GIPR: variants seen among roughly 807,000 people sequenced by gnomAD.
GIPR encodes gastric inhibitory polypeptide receptor, also known as GIP-R.
Under a neutral mutation model 62.2 loss-of-function variants are expected in GIPR, and 74 were observed. That is an observed-to-expected ratio of 1.19 (90% CI 0.99 to 1.44). The LOEUF (loss-of-function observed/expected upper bound fraction) is 1.44, where lower values mean the gene tolerates loss of function less well. GIPR is among the 40% of genes most tolerant of loss of function. The probability of loss-of-function intolerance (pLI) is 0.00; values close to 1 mark genes in which losing one functional copy is unlikely to be tolerated. For synonymous variants in GIPR, 256 were observed against 262.2 expected (o/e 0.98, Z 0.23); for missense variants, 664 against 611.8 (o/e 1.09, Z -0.90).
At chr19:45,674,561 T>G in intron 6 of GIPR, 121 bp from the exon 7 acceptor site, 1 of 873,800 alleles carries the variant, frequency 1.1e-6, no homozygotes, top group Non-Finnish European at 1.9e-6. Context: ...GAGCCCTGAT[T>G]GTGTCACTGC....
At position 45,674,809 on chromosome 19, in the gene GIPR, C is replaced by T. The variant is rs143427324; in HGVS notation, c.616C>T (p.Leu206Phe). ...RPGPYLGDQA[L>F]ALWNQALAAC... ...TGGCCCCTACCTTGGGGACCAGGCC[C>T]TTGCGCTGTGGAACCAGGTGGGCAT... The change falls in exon 7 of 14, where the codon CTT becomes TTT. Residue 206 changes from leucine (L) to phenylalanine (F), a missense_variant. Leu to Phe is a conservative substitution (Grantham distance 22, BLOSUM62 0). Coordinates refer to ENST00000590918, the MANE Select transcript of GIPR (RefSeq NM_000164.4). 1 of 1,614,020 alleles carries T rather than the reference C, an allele frequency of 6.2e-7. No homozygotes were observed. Among genetic ancestry groups the T allele is most frequent in the Non-Finnish European group, 8.5e-7 (1 of 1,179,946 alleles).
chr19:45,669,200 C>T (rs975630448), intron 1 of GIPR, among the ~76,000 whole-genome samples: 1 of 152,164 alleles, frequency 6.6e-6, no homozygotes, highest in South Asian at 2.1e-4. Context: ...AGCAAACACC[C>T]CCCCCTTCCA....
At chr19:45,673,637 G>A (rs1441622906) in intron 5 of GIPR, among the ~76,000 whole-genome samples, 9 of 151,814 alleles carry the variant, frequency 5.9e-5, no homozygotes, top group Non-Finnish European at 8.8e-5. Flanking sequence ...AGGCCAAGGC[G>A]GGCGGATCAC....
chr19:45,677,295 TGGGGG>T, intron 8 of GIPR, 23 bp from the exon 9 acceptor site: 1 of 914,864 alleles, frequency 1.1e-6, no homozygotes, highest in Non-Finnish European at 1.6e-6. Flanking sequence ...TGCGGCGGGG[TGGGGG>T]GGCGGGGTCG....
At chr19:45,677,174 C>A in intron 8 of GIPR, 66 bp downstream of exon 8, 4 of 1,543,548 alleles carry the variant, frequency 2.6e-6, no homozygotes, top group Non-Finnish European at 3.6e-6. Flanking sequence ...AACTGCCCTG[C>A]TGGTTGGCCT....
At chr19:45,679,329 A>G (rs1487084018) in intron 12 of GIPR, among the ~76,000 whole-genome samples, 1 of 152,072 alleles carries the variant, frequency 6.6e-6, no homozygotes, top group Non-Finnish European at 1.5e-5. Context: ...AAAAAATAGA[A>G]AAATTAGCTG....
intron 7 of GIPR, 70 bp downstream of exon 7, chr19:45,674,896 C>T (rs1472189726): frequency 1.4e-6 from 2 of 1,429,832 alleles, no homozygotes; most frequent in Non-Finnish European, 9.9e-7. Flanking sequence ...AGTTCTCAGT[C>T]CATTTCCTAT....
At position 45,677,043 on chromosome 19, in the gene GIPR, G is replaced by A. The variant is rs944629490; in HGVS notation, c.728G>A (p.Ser243Asn). The A allele has an allele frequency of 5.0e-6, 8 of 1,613,742 alleles. No homozygotes were observed. The highest frequency in any genetic ancestry group is 5.9e-6 in the Non-Finnish European group (7 of 1,179,798). ...CTGGTGGAGGGCGTCTACCTGCACA[G>A]TCTCCTGGTGCTCGTGGGAGGCTCC... ...WLLVEGVYLH[S>N]LLVLVGGSEE... The change falls in exon 8 of 14, where the codon AGT becomes AAT. Residue 243 changes from serine to asparagine, a missense_variant. Transcript: ENST00000590918.
chr19:45,677,547 G>A (rs1967013809), intron 9 of GIPR, 163 bp from the exon 10 acceptor site: 5 of 831,530 alleles, frequency 6.0e-6, no homozygotes, highest in African/African-American at 3.4e-5. Context: ...GTGTTCCAGG[G>A]CAATCGGCAA....
intron 4 of GIPR, among the ~76,000 whole-genome samples, 157 bp downstream of exon 4, chr19:45,671,549 T>C (rs555478387): frequency 1.3e-3 from 199 of 152,328 alleles, no homozygotes; most frequent in Non-Finnish European, 2.1e-3. Context: ...TTCTCCTGTC[T>C]GTCCAACCCT....
rs1012940370 is a variant in GIPR at position 45,682,672 on chromosome 19, T to C, written c.*737T>C. The C allele has an allele frequency of 3.3e-5, 5 of 151,010 alleles. No individual in the cohort carries two copies. The highest frequency in any genetic ancestry group is 4.9e-5 in the African/African-American group (2 of 40,966). The allele number at this position is 151,010 out of a possible 1,614,324, so 9.4% of individuals were successfully genotyped here. A position where few individuals can be genotyped will look rare whatever the true frequency, so the allele number is the denominator to read the frequency against. On this transcript the variant is annotated 3_prime_UTR_variant, in exon 14 of 14. Transcript: ENST00000590918. Reference sequence around the variant, plus strand: ...ACCTCCCGAGTTCAAGCCTCCCGGGTAGCTGGGATTACAGGCACCGCCACC... The same window carrying C: ...ACCTCCCGAGTTCAAGCCTCCCGGGCAGCTGGGATTACAGGCACCGCCACC...
In GIPR at chr19:45,671,352, C is replaced by G. The variant is rs1975530676; in HGVS notation, c.240C>G (p.Ala80=). 1.9e-6 allele frequency: 3 copies of G among 1,612,306 alleles called. No homozygotes were observed. The highest frequency in any genetic ancestry group is 2.5e-6 in the Non-Finnish European group (3 of 1,179,662). Residue 80 remains alanine, a synonymous_variant, in exon 4 of 14, where the codon GCC becomes GCG. Coordinates refer to ENST00000590918, the MANE Select transcript of GIPR (RefSeq NM_000164.4). ...CWDYAAPNAT[A]RASCPWYLPW... ...ACTATGCTGCACCCAATGCCACTGC[C>G]CGTGCGTCCTGCCCCTGGTACCTGC...
chr19:45,673,898 G>A (rs1351497567), intron 5 of GIPR, among the ~76,000 whole-genome samples, 176 bp from the exon 6 acceptor site: 1 of 151,956 alleles, frequency 6.6e-6, no homozygotes, highest in Non-Finnish European at 1.5e-5. Context: ...CTGGTCACAT[G>A]CCTCGTGCCC....
intron 2 of GIPR, 100 bp from the exon 3 acceptor site, chr19:45,670,535 G>A: frequency 2.6e-6 from 2 of 763,618 alleles, no homozygotes; most frequent in Non-Finnish European, 4.6e-6. Flanking sequence ...ACACGCAACA[G>A]ACCCTCAAAG....
rs1242475885 is a variant in GIPR at position 45,677,955 on chromosome 19, T to G, written c.974T>G (p.Leu325Arg). 6.2e-7 allele frequency: 1 copy of G among 1,614,040 alleles called. No homozygotes were observed. The change falls in exon 11 of 14, where the codon CTG (leucine) becomes CGG (arginine). Residue 325 changes from leucine to arginine, a missense_variant. Coordinates refer to ENST00000590918, the MANE Select transcript of GIPR (RefSeq NM_000164.4). ...ATTCTTGGCATTCTCCTGTCCAAGC[T>G]GAGGACACGGCAAATGCGCTGCCGG... ...IRILGILLSK[L>R]RTRQMRCRDY...
In GIPR at chr19:45,677,296, G is replaced by T. The variant is rs546461131; in HGVS notation, c.794-27G>T. 1.3e-4 allele frequency: 184 copies of T among 1,469,318 alleles called. No individual in the cohort carries two copies. The African/African-American group carries it at 1.7e-3, about 14-fold the overall frequency. The allele number at this position is 1,469,318 out of a possible 1,614,324, so 91.0% of individuals were successfully genotyped here. ...AGCGCGCTGACAGCTGCGGCGGGGT[G>T]GGGGGGCGGGGTCGGGGTCTGCACA... On this transcript the variant is annotated intron_variant, in intron 8 of 13. Coordinates refer to ENST00000590918, the MANE Select transcript of GIPR (RefSeq NM_000164.4).
intron 12 of GIPR, 138 bp from the exon 13 acceptor site, chr19:45,681,466 G>C: frequency 2.5e-6 from 2 of 808,442 alleles, no homozygotes; most frequent in Non-Finnish European, 4.2e-6. Flanking sequence ...CTGCACTCCC[G>C]CCTGGGCAAC....
chr19:45,679,511 T>C (rs370181605), intron 12 of GIPR, among the ~76,000 whole-genome samples: 85 of 147,292 alleles, frequency 5.8e-4, no homozygotes, highest in Middle Eastern at 3.6e-3. Flanking sequence ...GGAAAGCATA[T>C]AGAATGTCAG....
chr19:45,676,849 G>T, intron 7 of GIPR, 100 bp from the exon 8 acceptor site: 1 of 1,060,924 alleles, frequency 9.4e-7, no homozygotes. Flanking sequence ...AAGAACCTTT[G>T]ATGGCAAGAG....
Sources: allele counts gnomAD v4.1 joint callset (sites outside exome capture counted in the v4.1 genomes callset), GRCh38; gene constraint gnomAD v4.1.1; transcripts MANE v1.5; gene names NCBI Gene and HGNC (gene_info 2026-07-23, HGNC 2026-07-21).